Variants in KPNA1 observed in about 807,000 individuals in gnomAD.
The protein encoded by KPNA1 is importin subunit alpha-5.
In KPNA1, 10 loss-of-function variants were observed where a neutral mutation model predicts 70.5. The observed-to-expected ratio is 0.14, with a 90% CI of 0.09 to 0.24. The LOEUF is 0.24. KPNA1 is among the 10% of genes least tolerant of loss of function. The pLI is 1.00. For synonymous variants in KPNA1, 192 were observed against 221.9 expected, an observed-to-expected ratio of 0.87 and a Z score of 1.20; for missense variants, 397 against 637.9, an observed-to-expected ratio of 0.62 and a Z score of 4.07.
At chr3:122,514,667 G>A (rs1464408337) in intron 1 of KPNA1, 90 bp downstream of exon 1, 1 of 152,082 alleles carries the variant, frequency 6.6e-6, no homozygotes, top group Non-Finnish European at 1.5e-5. Context: ...ACCCGCCCTC[G>A]CCCCAGGGCC....
chr3:122,480,763 G>A (rs545223823), intron 2 of KPNA1, among the ~76,000 whole-genome samples: 1 of 152,092 alleles, frequency 6.6e-6, no homozygotes, highest in East Asian at 1.9e-4. Context: ...GAAGCAGGAG[G>A]ATCACTTGAG....
At chr3:122,452,862 A>G (rs1000456752) in intron 6 of KPNA1, among the ~76,000 whole-genome samples, 1 of 151,948 alleles carries the variant, frequency 6.6e-6, no homozygotes, top group African/African-American at 2.4e-5. Context: ...AGACAGAAAG[A>G]GAGTATTTTC....
intron 1 of KPNA1, among the ~76,000 whole-genome samples, chr3:122,513,029 T>C (rs1364936858): frequency 6.6e-6 from 1 of 152,204 alleles, no homozygotes; most frequent in Non-Finnish European, 1.5e-5. Flanking sequence ...ATCGCGACTA[T>C]ATCCCCCCAA....
At position 122,433,708 on chromosome 3, in the gene KPNA1, A is replaced by G. The variant is rs1364558420; in HGVS notation, c.1203T>C (p.Ala401=). The part of the protein sequence containing the change: ...TAEFRTRKEA[A]WAITNATSGG... ...CAGAAGTTGCATTTGTGATGGCCCAAGCTGCTTCTTTTCTTGTCCGAAATT... is the reference window on the plus strand; with the variant it reads ...CAGAAGTTGCATTTGTGATGGCCCAGGCTGCTTCTTTTCTTGTCCGAAATT... Residue 401 remains alanine, a synonymous_variant, in exon 12 of 14, where the codon GCT becomes GCC. Transcript: ENST00000344337. 3.1e-6 allele frequency: 5 copies of G among 1,613,526 alleles called. No homozygotes were observed. Among genetic ancestry groups the G allele is most frequent in the Non-Finnish European group, 4.2e-6 (5 of 1,179,782 alleles).
At chr3:122,454,843 G>A (rs978310166) in intron 5 of KPNA1, among the ~76,000 whole-genome samples, 11 of 152,116 alleles carry the variant, frequency 7.2e-5, no homozygotes, top group Non-Finnish European at 1.6e-4. Context: ...GTAAACAGAA[G>A]ATATAAAGGA....
chr3:122,497,711 G>A (rs909390466), intron 1 of KPNA1, among the ~76,000 whole-genome samples: 5 of 152,080 alleles, frequency 3.3e-5, no homozygotes, highest in Admixed American at 6.6e-5. Flanking sequence ...TGGTAACTGT[G>A]TATCTCCCAT....
chr3:122,500,313 C>A (rs537004190), intron 1 of KPNA1, among the ~76,000 whole-genome samples: 1 of 151,842 alleles, frequency 6.6e-6, no homozygotes, highest in South Asian at 2.1e-4. Context: ...GTAGAGACAG[C>A]GTTTCACCAT....
chr3:122,493,292 G>C (rs926609856), intron 2 of KPNA1, among the ~76,000 whole-genome samples: 6 of 150,876 alleles, frequency 4.0e-5, no homozygotes, highest in African/African-American at 1.2e-4. Flanking sequence ...AAAAATAGTA[G>C]AATCAGGCCT....
At chr3:122,427,852 C>T (rs988790128) in intron 12 of KPNA1, 136 bp from the exon 13 acceptor site, 1 of 483,258 alleles carries the variant, frequency 2.1e-6, no homozygotes, top group Non-Finnish European at 3.4e-6. Context: ...TTCAACCATA[C>T]AAGCTATACC....
chr3:122,455,579 G>C (rs1378366533), intron 5 of KPNA1, among the ~76,000 whole-genome samples: 1 of 151,692 alleles, frequency 6.6e-6, no homozygotes, highest in South Asian at 2.1e-4. Context: ...TTTTGAGACA[G>C]AGTCTCAGTC....
chr3:122,452,122 T>C, intron 6 of KPNA1, 58 bp from the exon 7 acceptor site: 3 of 1,103,900 alleles, frequency 2.7e-6, no homozygotes, highest in South Asian at 2.6e-5. Context: ...CATAATTCTT[T>C]CAGATGCCAG....
chr3:122,481,788 A>G (rs2076574213), intron 2 of KPNA1, among the ~76,000 whole-genome samples: 1 of 152,238 alleles, frequency 6.6e-6, no homozygotes, highest in Non-Finnish European at 1.5e-5. Context: ...AATATATCAG[A>G]AAGTAGGTAA....
chr3:122,481,242 A>C (rs1209201770), intron 2 of KPNA1, among the ~76,000 whole-genome samples: 1 of 152,218 alleles, frequency 6.6e-6, no homozygotes, highest in Admixed American at 6.5e-5. Context: ...TGTTCACAGA[A>C]GCATTATTCA....
intron 2 of KPNA1, among the ~76,000 whole-genome samples, chr3:122,478,550 CA>C (rs143567837): frequency 0.13 from 20,174 of 151,806 alleles, 1,419 homozygotes; most frequent in Middle Eastern, 0.27. Flanking sequence ...GGGGAAACCC[CA>C]TCTCTACTAA....
chr3:122,483,043 C>A, intron 2 of KPNA1: 1 of 154,066 alleles, frequency 6.5e-6, no homozygotes. Flanking sequence ...GGTGGAGACC[C>A]AGCACAGTTC....
intron 5 of KPNA1, among the ~76,000 whole-genome samples, chr3:122,458,772 G>T (rs1010457295): frequency 3.9e-5 from 6 of 152,134 alleles, no homozygotes; most frequent in African/African-American, 1.4e-4. Flanking sequence ...TTGAAAGCAT[G>T]GTAGATCATC....
At chr3:122,486,495 T>C (rs1220095422) in intron 2 of KPNA1, among the ~76,000 whole-genome samples, 1 of 152,164 alleles carries the variant, frequency 6.6e-6, no homozygotes, top group African/African-American at 2.4e-5. Flanking sequence ...GTGAGATGAA[T>C]ATGTTCACAA....
At chr3:122,433,176 C>A (rs1030640929) in intron 12 of KPNA1, 1 of 152,520 alleles carries the variant, frequency 6.6e-6, no homozygotes, top group Non-Finnish European at 1.5e-5. Context: ...TTAGAAGATA[C>A]CTGCCTCTAC....
intron 2 of KPNA1, among the ~76,000 whole-genome samples, chr3:122,488,162 T>C (rs1286022869): frequency 1.3e-5 from 2 of 152,194 alleles, no homozygotes; most frequent in African/African-American, 4.8e-5. Flanking sequence ...GAAGGGACCA[T>C]GGAAGACTGC....
Sources: gnomAD v4.1 joint callset for allele counts (sites outside exome capture counted in the v4.1 genomes callset) on GRCh38, gnomAD v4.1.1 for gene constraint, MANE v1.5 for transcripts, NCBI Gene and HGNC (gene_info 2026-07-23, HGNC 2026-07-21) for gene names.